Variants in RIC8B observed in about 807,000 individuals in gnomAD.
RIC8B encodes the protein RIC8 guanine nucleotide exchange factor B.
RIC8B carries 16 observed loss-of-function variants against 57.5 expected under a neutral mutation model. The observed-to-expected ratio is 0.28, with a 90% CI of 0.19 to 0.42. The LOEUF (loss-of-function observed/expected upper bound fraction) is 0.42. Ranked by LOEUF, RIC8B falls within the 10% of genes least tolerant of loss-of-function variation. The pLI is 1.00. For missense variants in RIC8B, 481 were observed against 677.0 expected, an observed-to-expected ratio of 0.71 and a Z score of 3.21; for synonymous variants, 216 against 250.8, an observed-to-expected ratio of 0.86 and a Z score of 1.31.
intron 5 of RIC8B, among the ~76,000 whole-genome samples, chr12:106,843,167 AC>A (rs1183943955): frequency 6.6e-6 from 1 of 152,156 alleles, no homozygotes; most frequent in East Asian, 1.9e-4. Context: ...TCTTCATAAT[AC>A]CTAAAAGACA....
At chr12:106,852,645 C>G (rs1949522761) in intron 7 of RIC8B, among the ~76,000 whole-genome samples, 1 of 152,176 alleles carries the variant, frequency 6.6e-6, no homozygotes, top group African/African-American at 2.4e-5. Flanking sequence ...AATGAAGCAA[C>G]CTGCCACCTG....
At chr12:106,878,322 G>GA (rs1401537896) in intron 9 of RIC8B, among the ~76,000 whole-genome samples, 2 of 151,924 alleles carry the variant, frequency 1.3e-5, no homozygotes, top group East Asian at 1.9e-4. Flanking sequence ...ATTGCTGTGA[G>GA]AAAAAAAGAG....
chr12:106,817,531 ATC>A (rs2045625851), intron 3 of RIC8B, among the ~76,000 whole-genome samples: 1 of 152,048 alleles, frequency 6.6e-6, no homozygotes, highest in Non-Finnish European at 1.5e-5. Context: ...CATAAAGAAA[ATC>A]TCTCGGCCAG....
chr12:106,858,793 G>A (rs973344193), intron 7 of RIC8B, among the ~76,000 whole-genome samples: 5 of 151,984 alleles, frequency 3.3e-5, no homozygotes, highest in Non-Finnish European at 7.4e-5. Context: ...TGAAAGTAGG[G>A]CTTCCTTTCA....
intron 2 of RIC8B, among the ~76,000 whole-genome samples, chr12:106,812,800 C>CA (rs528401570): frequency 1.3e-5 from 2 of 151,990 alleles, no homozygotes; most frequent in South Asian, 4.2e-4. Flanking sequence ...AAACTACATT[C>CA]AAAAAAAGTG....
chr12:106,842,140 T>C (rs895682546), intron 4 of RIC8B, among the ~76,000 whole-genome samples: 6 of 152,242 alleles, frequency 3.9e-5, no homozygotes, highest in Non-Finnish European at 7.3e-5. Flanking sequence ...TGGTTTATTG[T>C]TGTTGCTACT....
At chr12:106,781,004 T>C (rs2043739541) in intron 1 of RIC8B, among the ~76,000 whole-genome samples, 1 of 152,250 alleles carries the variant, frequency 6.6e-6, no homozygotes, top group Non-Finnish European at 1.5e-5. Flanking sequence ...TGACTCCTGA[T>C]CCTGAGCTTT....
intron 2 of RIC8B, among the ~76,000 whole-genome samples, chr12:106,788,003 G>A (rs578208010): frequency 9.2e-5 from 14 of 152,058 alleles, no homozygotes; most frequent in Admixed American, 7.9e-4. Flanking sequence ...AGTCCCTTCC[G>A]CCTATGAGCC....
chr12:106,834,940 C>T (rs924003794), intron 4 of RIC8B, among the ~76,000 whole-genome samples: 16 of 140,136 alleles, frequency 1.1e-4, no homozygotes, highest in Admixed American at 7.5e-5. Context: ...GCTGAGATTG[C>T]GCCAGTGCAC....
chr12:106,824,300 G>T (rs1056235007), intron 3 of RIC8B, among the ~76,000 whole-genome samples: 1 of 152,126 alleles, frequency 6.6e-6, no homozygotes, highest in African/African-American at 2.4e-5. Flanking sequence ...GGAAACTGAG[G>T]CTCAGAGAAA....
At chr12:106,783,609 C>T (rs1249872449) in intron 1 of RIC8B, among the ~76,000 whole-genome samples, 1 of 152,192 alleles carries the variant, frequency 6.6e-6, no homozygotes, top group East Asian at 1.9e-4. Context: ...CACAAAGTTG[C>T]TTATTTCACA....
In RIC8B at chr12:106,815,004, C is replaced by T. The variant is rs752101260; in HGVS notation, c.441C>T (p.Leu147=). Residue 147 remains leucine, a synonymous_variant, in exon 3 of 10, where the codon CTC becomes CTT. Coordinates refer to ENST00000392837, the MANE Select transcript of RIC8B (RefSeq NM_001330145.2). ...ELNLAAKLCN[L]LRKCKDRKFI... ...ATCTTGCTGCAAAGCTCTGTAACCT[C>T]CTGAGAAAGTGCAAGGACCGGAAAT... 2 of 1,614,216 alleles carry T rather than the reference C, an allele frequency of 1.2e-6. No individual in the cohort carries two copies. The highest frequency in any genetic ancestry group is 2.2e-5 in the South Asian group (2 of 91,076).
chr12:106,869,168 C>T (rs183942282), intron 8 of RIC8B, among the ~76,000 whole-genome samples: 109 of 152,144 alleles, frequency 7.2e-4, no homozygotes, highest in Non-Finnish European at 7.1e-4. Flanking sequence ...GTAGGTCTTA[C>T]GCAAGAATGG....
Position 106,774,840 on chromosome 12 carries a change from C to T in RIC8B, c.84+11C>T, listed in dbSNP as rs2043364474. 6.5e-7 allele frequency: 1 copy of T among 1,549,088 alleles called. No homozygotes were observed. Among genetic ancestry groups the T allele is most frequent in the South Asian group, 1.2e-5 (1 of 83,996 alleles). On this transcript the variant is annotated intron_variant, in intron 1 of 9. Coordinates refer to ENST00000392837, the MANE Select transcript of RIC8B (RefSeq NM_001330145.2). ...GATTACAGCGACAAGGTAAAGAGTC[C>T]TGGCCCCGGGCGTGCGGTATCGCAC... is the stretch of plus-strand genomic sequence containing the variant.
intron 2 of RIC8B, among the ~76,000 whole-genome samples, chr12:106,798,616 T>C (rs1267064520): frequency 6.6e-6 from 1 of 152,100 alleles, no homozygotes; most frequent in Non-Finnish European, 1.5e-5. Context: ...CACTGTACTT[T>C]TTTTTTTTTA....
intron 6 of RIC8B, among the ~76,000 whole-genome samples, chr12:106,845,239 G>T (rs1749510654): frequency 6.6e-6 from 1 of 152,156 alleles, no homozygotes; most frequent in African/African-American, 2.4e-5. Context: ...AAGAGAAAAT[G>T]ACACAACCAT....
intron 6 of RIC8B, among the ~76,000 whole-genome samples, chr12:106,848,054 G>A (rs145741505): frequency 1.8e-3 from 277 of 152,262 alleles, no homozygotes; most frequent in African/African-American, 6.0e-3. Flanking sequence ...GTAAGGAGGT[G>A]GAGGTGTTGC....
intron 2 of RIC8B, among the ~76,000 whole-genome samples, chr12:106,807,031 G>A (rs2045070079): frequency 6.6e-6 from 1 of 152,006 alleles, no homozygotes; most frequent in Non-Finnish European, 1.5e-5. Flanking sequence ...GTACTATGTT[G>A]GCTTAAGCCA....
chr12:106,774,735 C>A lies in RIC8B; in HGVS notation c.-11C>A. 1.3e-6 allele frequency: 2 copies of A among 1,547,172 alleles called. No individual in the cohort carries two copies. The highest frequency in any genetic ancestry group is 1.7e-6 in the Non-Finnish European group (2 of 1,144,504). On this transcript the variant is annotated 5_prime_UTR_variant, in exon 1 of 10. Transcript: ENST00000392837. ...GCGCAGAGCGGCCGCGGCTCCCCCG[C>A]ACCTGCGGCCATGGATGAGGAGCGC...
Sources: gnomAD v4.1 joint callset for allele counts (sites outside exome capture counted in the v4.1 genomes callset) on GRCh38, gnomAD v4.1.1 for gene constraint, MANE v1.5 for transcripts, NCBI Gene and HGNC (gene_info 2026-07-23, HGNC 2026-07-21) for gene names.